The following FKBP15 variants were observed in gnomAD, a reference collection of about 807,000 sequenced individuals.
FKBP15 encodes FK506-binding protein 15.
A neutral mutation model predicts 158.1 loss-of-function variants in FKBP15; 106 were observed. The observed-to-expected ratio is 0.67, with a 90% CI of 0.57 to 0.79. The LOEUF is 0.79. Ranked by LOEUF, FKBP15 falls within the 30% of genes least tolerant of loss-of-function variation. FKBP15 has a pLI of 0.00. For missense variants in FKBP15, 1,287 were observed against 1,479.1 expected, an observed-to-expected ratio of 0.87 and a Z score of 2.13; for synonymous variants, 547 against 548.6, an observed-to-expected ratio of 1.00 and a Z score of 0.04.
chr9:113,201,780 C>T (rs778387501), intron 6 of FKBP15, among the ~76,000 whole-genome samples: 1 of 152,188 alleles, frequency 6.6e-6, no homozygotes, highest in Non-Finnish European at 1.5e-5. Flanking sequence ...GAACTGACAA[C>T]ATGCATATTA....
rs1457969521 is a variant in FKBP15, at chr9:113,169,012, G to A, written c.3485+212C>T. On this transcript the variant is annotated intron_variant, in intron 26 of 27. Transcript: ENST00000238256. Reference sequence around the variant, plus strand: ...ACAGTGCCCGCCACACTACCGCAGGGCCCGCCACACTACCACAGGGCCCGC... The same window carrying A: ...ACAGTGCCCGCCACACTACCGCAGGACCCGCCACACTACCACAGGGCCCGC... 6.0e-5 allele frequency among the ~76,000 whole-genome samples: 9 copies of A among 149,378 alleles called. No individual in the cohort carries two copies. The East Asian group carries it at 1.7e-3, about 29-fold the overall frequency.
chr9:113,179,432 A>G (rs1300680358), intron 19 of FKBP15, among the ~76,000 whole-genome samples: 8 of 152,146 alleles, frequency 5.3e-5, no homozygotes, highest in African/African-American at 1.9e-4. Flanking sequence ...GGGAGGCCGA[A>G]GCGGGCAGAT....
rs749896055 is a variant in FKBP15 at position 113,190,474 on chromosome 9, G to C, written c.1170C>G (p.Ile390Met). Reference sequence around the variant, plus strand: ...TAATACAGCCAGGGGGACATACTTCGATTTCTGAATCATTGGAATCCAGCT... The same window carrying C: ...TAATACAGCCAGGGGGACATACTTCCATTTCTGAATCATTGGAATCCAGCT... ...PPQLDSNDSE[I>M]EDVNTLQGGG... The change falls in exon 12 of 28, where the codon ATC (isoleucine) becomes ATG (methionine). Residue 390 changes from isoleucine to methionine, a missense_variant. By Grantham distance (10) the Ile-to-Met change is conservative. Transcript: ENST00000238256. 1 of 1,607,208 alleles carries C rather than the reference G, an allele frequency of 6.2e-7. No homozygotes were observed. Among genetic ancestry groups the C allele is most frequent in the South Asian group, 1.1e-5 (1 of 89,714 alleles).
intron 10 of FKBP15, among the ~76,000 whole-genome samples, 177 bp downstream of exon 10, chr9:113,193,850 T>C (rs191355475): frequency 2.0e-5 from 3 of 152,338 alleles, no homozygotes; most frequent in East Asian, 3.9e-4. Flanking sequence ...TTGTGGCCTA[T>C]GAATATTAAA....
In FKBP15 at chr9:113,163,465, T is replaced by TAA. The variant is rs972619787; in HGVS notation, c.*2611_*2612dup. Reference sequence around the variant, plus strand: ...TCGTCTATGGATCATGTTGACAAACTAAGTTTTTTTTATTTTTCCCATTGA... The same window carrying TAA: ...TCGTCTATGGATCATGTTGACAAACTAAAAGTTTTTTTTATTTTTCCCATTGA... On this transcript the variant is annotated 3_prime_UTR_variant, in exon 28 of 28. Transcript: ENST00000238256. 2.0e-5 allele frequency: 3 copies of TAA among 152,790 alleles called. No homozygotes were observed. Among genetic ancestry groups the TAA allele is most frequent in the African/African-American group, 4.8e-5 (2 of 41,588 alleles). 9.5% of individuals were successfully genotyped at this position (152,790 alleles called of 1,614,324 possible).
chr9:113,184,445 A>G lies in FKBP15; in HGVS notation c.1609-46T>C. 1 of 1,413,910 alleles carries G rather than the reference A, an allele frequency of 7.1e-7. No individual in the cohort carries two copies. Among genetic ancestry groups the G allele is most frequent in the Non-Finnish European group, 9.8e-7 (1 of 1,019,428 alleles). 87.6% of individuals were successfully genotyped at this position (1,413,910 alleles called of 1,614,324 possible). On this transcript the variant is annotated intron_variant, in intron 16 of 27. Transcript: ENST00000238256. The surrounding 1 kb of genome is among the most constrained non-coding windows in gnomAD (Gnocchi z 4.5). ...AGACCTTGTGAGAAATTATAAAATG[A>G]AGAAATACAATTTACCCAAGATTTG...
chr9:113,163,494 C>T lies in FKBP15; in HGVS notation c.*2584G>A, dbSNP rs1830050106. 6.6e-6 allele frequency: 1 copy of T among 152,576 alleles called. No homozygotes were observed. The highest frequency in any genetic ancestry group is 2.4e-5 in the African/African-American group (1 of 41,420). 9.5% of individuals were successfully genotyped at this position (152,576 alleles called of 1,614,324 possible). On this transcript the variant is annotated 3_prime_UTR_variant, in exon 28 of 28. Coordinates refer to ENST00000238256, the MANE Select transcript of FKBP15 (RefSeq NM_015258.2). ...TTTTTTTTATTTTTCCCATTGAACT[C>T]CTAGTTGGCAATTTTGCACATTCAT...
chr9:113,180,416 G>A (rs1198323714), intron 19 of FKBP15, among the ~76,000 whole-genome samples: 1 of 150,890 alleles, frequency 6.6e-6, no homozygotes, highest in East Asian at 1.9e-4. Context: ...GTGTGTGTGT[G>A]TGTGTGTGTG....
In FKBP15 at chr9:113,184,179, G is replaced by T; in HGVS notation, c.1716+113C>A. 1 of 708,472 alleles carries T rather than the reference G, an allele frequency of 1.4e-6. No individual in the cohort carries two copies. The allele number at this position is 708,472 out of a possible 1,614,324, so 43.9% of individuals were successfully genotyped here. On this transcript the variant is annotated intron_variant, in intron 17 of 27. Transcript: ENST00000238256. The surrounding 1 kb of genome is among the most constrained non-coding windows in gnomAD (Gnocchi z 4.5). ...ATTTTCTAGAATTGTCTAACCCAGTGTAGCGTTTATCACAGGCTATTTCTG... is the reference window on the plus strand; with the variant it reads ...ATTTTCTAGAATTGTCTAACCCAGTTTAGCGTTTATCACAGGCTATTTCTG...
intron 12 of FKBP15, among the ~76,000 whole-genome samples, chr9:113,188,944 C>T (rs538644943): frequency 3.3e-5 from 5 of 152,306 alleles, no homozygotes; most frequent in East Asian, 1.9e-4. Context: ...AATCAGATAA[C>T]GTAGGATTCA....
chr9:113,215,074 G>A (rs554332159), intron 1 of FKBP15, among the ~76,000 whole-genome samples: 14 of 152,316 alleles, frequency 9.2e-5, no homozygotes, highest in African/African-American at 2.9e-4. Context: ...CTCCATGTCA[G>A]CAATAAGGCT....
rs577693021 is a variant in FKBP15 at position 113,207,017 on chromosome 9, A to G, written c.254+195T>C. 9 of 557,110 alleles carry G rather than the reference A, an allele frequency of 1.6e-5. No individual in the cohort carries two copies. In the South Asian group the frequency reaches 2.0e-4, roughly 13 times the overall value. The allele number at this position is 557,110 out of a possible 1,614,324, so 34.5% of individuals were successfully genotyped here. On this transcript the variant is annotated intron_variant, in intron 3 of 27. Coordinates refer to ENST00000238256, the MANE Select transcript of FKBP15 (RefSeq NM_015258.2). ...TTGAGGGTACAAGCACTCCCTAAAG[A>G]CAGTAGACAAGATAATGGCTTTTCA...
At chr9:113,206,664 A>C in intron 3 of FKBP15, 86 bp from the exon 4 acceptor site, 2 of 720,592 alleles carry the variant, frequency 2.8e-6, no homozygotes, top group South Asian at 3.6e-5. Flanking sequence ...AGAAGTGGGA[A>C]CAACAGTCAT....
At chr9:113,183,933 A>G (rs1158802356) in intron 17 of FKBP15, 88 bp from the exon 18 acceptor site, 1 of 935,956 alleles carries the variant, frequency 1.1e-6, no homozygotes, top group Non-Finnish European at 1.7e-6. Flanking sequence ...GACAGGTGAC[A>G]TTGTTAACAT....
chr9:113,211,348 G>T, intron 2 of FKBP15, 129 bp downstream of exon 2: 2 of 597,280 alleles, frequency 3.3e-6, no homozygotes, highest in Non-Finnish European at 5.7e-6. Context: ...TTTTAGAGAT[G>T]GGGTTTTGCC....
At chr9:113,173,677 C>T (rs1482758355) in intron 22 of FKBP15, 72 bp from the exon 23 acceptor site, 10 of 1,502,592 alleles carry the variant, frequency 6.7e-6, no homozygotes, top group South Asian at 5.0e-5. Flanking sequence ...CCTAGGGAAA[C>T]CCATCTTTCA....
At chr9:113,202,249 T>A (rs912302309) in intron 6 of FKBP15, among the ~76,000 whole-genome samples, 2 of 152,098 alleles carry the variant, frequency 1.3e-5, no homozygotes, top group Non-Finnish European at 2.9e-5. Context: ...TATTTATTCC[T>A]TAAGATAATT....
At chr9:113,180,874 T>C (rs1370996042) in intron 19 of FKBP15, among the ~76,000 whole-genome samples, 1 of 152,216 alleles carries the variant, frequency 6.6e-6, no homozygotes, top group African/African-American at 2.4e-5. Context: ...AAATATTCAT[T>C]GAGCCCTTAA....
intron 1 of FKBP15, among the ~76,000 whole-genome samples, chr9:113,218,017 A>T (rs1033292125): frequency 7.9e-5 from 12 of 152,174 alleles, no homozygotes; most frequent in Non-Finnish European, 1.6e-4. Flanking sequence ...CATTAAAAAA[A>T]AATGTTAGAC....
Sources: gnomAD v4.1 joint callset for allele counts (sites outside exome capture counted in the v4.1 genomes callset) on GRCh38, gnomAD v4.1.1 for gene constraint, Gnocchi (gnomAD v3.1) non-coding constraint, MANE v1.5 for transcripts, NCBI Gene and HGNC (gene_info 2026-07-23, HGNC 2026-07-21) for gene names.